SLC26A11: variants seen among roughly 807,000 people sequenced by gnomAD.
The protein encoded by SLC26A11 is sodium-independent sulfate anion transporter.
In SLC26A11, 58 loss-of-function variants were observed where a neutral mutation model predicts 62.2. The observed-to-expected ratio is 0.93, with a 90% CI of 0.76 to 1.16. SLC26A11 has a LOEUF of 1.16. Among genes scored for constraint, SLC26A11 ranks in the 50% most tolerant of loss-of-function variants. The pLI, the probability that SLC26A11 is intolerant of heterozygous loss-of-function variation, is 0.00. For missense variants in SLC26A11, 790 were observed against 794.3 expected, an observed-to-expected ratio of 0.99 and a Z score of 0.06; for synonymous variants, 411 against 368.9, an observed-to-expected ratio of 1.11 and a Z score of -1.31.
Position 80,225,914 on chromosome 17 carries a change from C to G in SLC26A11, c.591C>G (p.Thr197=). 6.2e-7 allele frequency: 1 copy of G among 1,613,826 alleles called. No homozygotes were observed. Residue 197 remains threonine, a splice_region_variant and synonymous_variant, in exon 6 of 18, where the codon ACC becomes ACG. Transcript: ENST00000361193. ...ACACCTTCCTCAGGATTGCAGAGAC[C>G]AGGTACCCCGGGCTTTGTTCCTCCC... ...VYHTFLRIAE[T]RVGDAVLGLV...
Position 80,223,077 on chromosome 17 carries a change from T to C in SLC26A11, c.428-175T>C. ...AAGTGCCTGTGGCCTCAGACCCCAGTCTCCCTTTTCTGCTCTCCAAAAACA... is the reference window on the plus strand; with the variant it reads ...AAGTGCCTGTGGCCTCAGACCCCAGCCTCCCTTTTCTGCTCTCCAAAAACA... On this transcript the variant is annotated intron_variant, in intron 4 of 17. Coordinates refer to ENST00000361193, the MANE Select transcript of SLC26A11 (RefSeq NM_001166347.2). The surrounding 1 kb of genome is among the most constrained non-coding windows in gnomAD (Gnocchi z 4.6). 1.4e-6 allele frequency: 1 copy of C among 730,214 alleles called. No homozygotes were observed. Among genetic ancestry groups the C allele is most frequent in the Non-Finnish European group, 2.3e-6 (1 of 432,560 alleles). 45.2% of individuals were successfully genotyped at this position (730,214 alleles called of 1,614,324 possible). A position where few individuals can be genotyped will look rare whatever the true frequency, so the allele number is the denominator to read the frequency against.
At chr17:80,245,538 G>T (rs111673182) in intron 11 of SLC26A11, among the ~76,000 whole-genome samples, 77 of 152,060 alleles carry the variant, frequency 5.1e-4, no homozygotes, top group African/African-American at 1.7e-3. Flanking sequence ...AATCGCTTGA[G>T]CCCAGCAGGA....
chr17:80,221,295 G>A, intron 2 of SLC26A11, 180 bp downstream of exon 2: 1 of 459,510 alleles, frequency 2.2e-6, no homozygotes, highest in Non-Finnish European at 3.8e-6. Context: ...TGAGGATGGA[G>A]GGACAGAAGG....
Position 80,228,050 on chromosome 17 carries a change from G to T in SLC26A11, c.736+90G>T. On this transcript the variant is annotated intron_variant, in intron 7 of 17. Transcript: ENST00000361193. The surrounding 1 kb of genome is among the most constrained non-coding windows in gnomAD (Gnocchi z 4.1). The stretch of plus-strand genomic sequence containing the variant: ...CTAGTCCCACCCTAGGGATTCTCAC[G>T]TCATTGGTCTGGGTGTCACTTGAGC... The T allele has an allele frequency of 8.1e-7, 1 of 1,227,036 alleles. No homozygotes were observed. Among genetic ancestry groups the T allele is most frequent in the Non-Finnish European group, 1.1e-6 (1 of 876,676 alleles). The allele number at this position is 1,227,036 out of a possible 1,614,324, so 76.0% of individuals were successfully genotyped here. A position where few individuals can be genotyped will look rare whatever the true frequency, so the allele number is the denominator to read the frequency against.
intron 9 of SLC26A11, among the ~76,000 whole-genome samples, chr17:80,240,620 T>C (rs1444384572): frequency 1.1e-4 from 17 of 151,388 alleles, no homozygotes; most frequent in Non-Finnish European, 1.9e-4. Context: ...CTGACCAACA[T>C]GGTGAAACCC....
In SLC26A11 at chr17:80,237,085, C is replaced by G; in HGVS notation, c.894C>G (p.Ser298=). The G allele has an allele frequency of 6.2e-7, 1 of 1,612,658 alleles. No homozygotes were observed. The change falls in exon 8 of 18, where the codon TCC becomes TCG. Residue 298 remains serine (S), a synonymous_variant. Transcript: ENST00000361193. ...FSVTTANGTI[S]FTEMVQDMGA... Reference sequence around the variant, plus strand: ...TGACCACAGCCAACGGGACGATCTCCTTCACCGAGATGGTGCAGGTGGGCG... The same window carrying G: ...TGACCACAGCCAACGGGACGATCTCGTTCACCGAGATGGTGCAGGTGGGCG...
intron 9 of SLC26A11, among the ~76,000 whole-genome samples, chr17:80,239,110 C>G (rs2042787983): frequency 7.2e-6 from 1 of 139,006 alleles, no homozygotes; most frequent in Non-Finnish European, 1.5e-5. Flanking sequence ...GATAGTGTTT[C>G]ACTCTTGTTG....
At position 80,249,401 on chromosome 17, in the gene SLC26A11, C is replaced by T. The variant is rs1332436821; in HGVS notation, c.1656+114C>T. The stretch of plus-strand genomic sequence containing the variant: ...GCTGTGATGCTGGACGGCCCTTCGG[C>T]CGGTGCTGGCTCTGCTTCTGATTTA... On this transcript the variant is annotated intron_variant, in intron 16 of 17. Coordinates refer to ENST00000361193, the MANE Select transcript of SLC26A11 (RefSeq NM_001166347.2). 4 of 1,365,726 alleles carry T rather than the reference C, an allele frequency of 2.9e-6. No individual in the cohort carries two copies. The African/African-American group carries it at 4.3e-5, about 15-fold the overall frequency. The allele number at this position is 1,365,726 out of a possible 1,614,324, so 84.6% of individuals were successfully genotyped here.
At chr17:80,226,142 C>T (rs1046311125) in intron 6 of SLC26A11, among the ~76,000 whole-genome samples, 2 of 151,972 alleles carry the variant, frequency 1.3e-5, no homozygotes, top group Admixed American at 1.3e-4. Flanking sequence ...GGTCTGCGCG[C>T]AGGGGAGAGT....
intron 9 of SLC26A11, among the ~76,000 whole-genome samples, chr17:80,239,947 C>T (rs2042812910): frequency 6.6e-6 from 1 of 152,272 alleles, no homozygotes; most frequent in Non-Finnish European, 1.5e-5. Context: ...TGGGGATGTG[C>T]TGTCCGTGGC....
At chr17:80,249,397 T>TCGG in intron 16 of SLC26A11, 110 bp downstream of exon 16, 1 of 1,398,936 alleles carries the variant, frequency 7.1e-7, no homozygotes, top group South Asian at 1.3e-5. Context: ...GGACGGCCCT[T>TCGG]CGGCCGGTGC....
Position 80,246,272 on chromosome 17 carries a change from G to C in SLC26A11, c.1153+63G>C. The C allele has an allele frequency of 6.4e-7, 1 of 1,562,718 alleles. No individual in the cohort carries two copies. Among genetic ancestry groups the C allele is most frequent in the South Asian group, 1.2e-5 (1 of 84,192 alleles). On this transcript the variant is annotated intron_variant, in intron 12 of 17. Coordinates refer to ENST00000361193, the MANE Select transcript of SLC26A11 (RefSeq NM_001166347.2). This position sits in a 1 kb window ranked among gnomAD's most constrained non-coding sequence, Gnocchi z 4.4. Reference sequence around the variant, plus strand: ...GAGAGTGGGAGAAAGGGAGGAGGGGGCCCACAGAGACGTCCCTTTGGCTCA... The same window carrying C: ...GAGAGTGGGAGAAAGGGAGGAGGGGCCCCACAGAGACGTCCCTTTGGCTCA...
rs1435965574 is a variant in SLC26A11 at position 80,221,980 on chromosome 17, A to G, written c.234+186A>G. On this transcript the variant is annotated intron_variant, in intron 3 of 17. Coordinates refer to ENST00000361193, the MANE Select transcript of SLC26A11 (RefSeq NM_001166347.2). ...GCTCCTATGCCTGTTTGGCACACAC[A>G]GACACTGAGCTGGTTATGGAGGGGC... 4.8e-6 allele frequency: 3 copies of G among 628,282 alleles called. No individual in the cohort carries two copies. The Admixed American group carries it at 9.5e-5, about 20-fold the overall frequency. The allele number at this position is 628,282 out of a possible 1,614,324, so 38.9% of individuals were successfully genotyped here.
In SLC26A11 at chr17:80,228,399, C is replaced by T. The variant is rs1598801597; in HGVS notation, c.736+439C>T. On this transcript the variant is annotated intron_variant, in intron 7 of 17. Transcript: ENST00000361193. This position sits in a 1 kb window ranked among gnomAD's most constrained non-coding sequence, Gnocchi z 4.1. ...CTGCCTGCCTCGGCCTCCCGAAGTG[C>T]TGGGATTACAGGCATGAGCCACCGC... is the stretch of plus-strand genomic sequence containing the variant. 6.6e-6 allele frequency among the ~76,000 whole-genome samples: 1 copy of T among 152,350 alleles called. No individual in the cohort carries two copies. The highest frequency in any genetic ancestry group is 1.5e-5 in the Non-Finnish European group (1 of 68,038).
chr17:80,250,466 C>T (rs987867746), intron 16 of SLC26A11, among the ~76,000 whole-genome samples: 3 of 152,298 alleles, frequency 2.0e-5, no homozygotes, highest in Middle Eastern at 3.4e-3. Flanking sequence ...TTCAGAACTT[C>T]GCTCATAAGT....
chr17:80,240,284 G>C (rs939779754), intron 9 of SLC26A11, among the ~76,000 whole-genome samples: 2 of 151,680 alleles, frequency 1.3e-5, no homozygotes. Flanking sequence ...GGAGAATGGC[G>C]TGAACCCGGG....
Position 80,250,906 on chromosome 17 carries a change from C to T in SLC26A11, c.1657-423C>T, listed in dbSNP as rs142097919. ...CTGTAATCCCAGCACTTTGGGAGGC[C>T]GAGGTAGGAGGATCATTTGAGGCCA... On this transcript the variant is annotated intron_variant, in intron 16 of 17. Transcript: ENST00000361193. Among the ~76,000 whole-genome samples, 600 of 151,968 alleles carry T rather than the reference C, an allele frequency of 3.9e-3. 6 individuals are homozygous for T. The highest frequency in any genetic ancestry group is 0.014 in the African/African-American group (573 of 41,444).
intron 9 of SLC26A11, among the ~76,000 whole-genome samples, chr17:80,238,656 G>A (rs534630615): frequency 2.0e-5 from 3 of 152,132 alleles, no homozygotes; most frequent in Admixed American, 1.3e-4. Flanking sequence ...TCCTTCTTGC[G>A]TTTGGGTTTA....
chr17:80,243,486 C>T (rs867798402), intron 10 of SLC26A11, among the ~76,000 whole-genome samples: 36 of 152,220 alleles, frequency 2.4e-4, no homozygotes, highest in Non-Finnish European at 2.1e-4. Flanking sequence ...CAACCTCCGT[C>T]TCCTGGGTTC....
Sources: gnomAD v4.1 joint callset for allele counts (sites outside exome capture counted in the v4.1 genomes callset) on GRCh38, gnomAD v4.1.1 for gene constraint, Gnocchi (gnomAD v3.1) non-coding constraint, MANE v1.5 for transcripts, NCBI Gene and HGNC (gene_info 2026-07-23, HGNC 2026-07-21) for gene names.